ZNF454: variants seen among roughly 807,000 people sequenced by gnomAD.
The protein encoded by ZNF454 is zinc finger protein 454.
Under a neutral mutation model 48.2 loss-of-function variants are expected in ZNF454, and 30 were observed. That is an observed-to-expected ratio of 0.62 (90% CI 0.47 to 0.84). ZNF454 has a LOEUF of 0.84. ZNF454 is among the 40% of genes least tolerant of loss of function. ZNF454 has a pLI of 0.00. For missense variants in ZNF454, 510 were observed against 623.1 expected (o/e 0.82, Z 1.93); for synonymous variants, 204 against 211.4 (o/e 0.97, Z 0.30).
At chr5:178,950,761 T>C (rs1471871673) in intron 4 of ZNF454, among the ~76,000 whole-genome samples, 1 of 152,152 alleles carries the variant, frequency 6.6e-6, no homozygotes, top group Non-Finnish European at 1.5e-5. Flanking sequence ...GTATTATCTA[T>C]TATTTTAATA....
intron 4 of ZNF454, among the ~76,000 whole-genome samples, chr5:178,949,473 A>G (rs1432133037): frequency 6.6e-6 from 1 of 152,072 alleles, no homozygotes; most frequent in African/African-American, 2.4e-5. Flanking sequence ...TCCACTGGGA[A>G]TTTCTGCTAT....
At chr5:178,948,889 A>T (rs895354486) in intron 4 of ZNF454, among the ~76,000 whole-genome samples, 3 of 139,486 alleles carry the variant, frequency 2.2e-5, no homozygotes, top group Non-Finnish European at 3.0e-5. Flanking sequence ...TAATTGATAT[A>T]AATTATATGT....
At chr5:178,958,479 G>T (rs1759868770) in intron 4 of ZNF454, among the ~76,000 whole-genome samples, 1 of 152,100 alleles carries the variant, frequency 6.6e-6, no homozygotes, top group African/African-American at 2.4e-5. Flanking sequence ...GTCATTATTT[G>T]TACATTTTAC....
chr5:178,966,863 T>C (rs1760170936), downstream of ZNF454, among the ~76,000 whole-genome samples: 1 of 152,178 alleles, frequency 6.6e-6, no homozygotes, highest in Non-Finnish European at 1.5e-5. Flanking sequence ...TTCATCCCTG[T>C]AGAATCCCTG....
At chr5:178,949,902 A>G (rs1266955790) in intron 4 of ZNF454, among the ~76,000 whole-genome samples, 1 of 152,228 alleles carries the variant, frequency 6.6e-6, no homozygotes. Context: ...GGTGTGAGCC[A>G]CCACGCCCGG....
At chr5:178,989,739 C>T in the ZNF454 span, 3 of 408,834 alleles carry the variant, frequency 7.3e-6, no homozygotes, top group East Asian at 1.7e-4. Context: ...CTCCTTCTTT[C>T]CTGTTAGGAT....
intron 4 of ZNF454, among the ~76,000 whole-genome samples, chr5:178,958,458 C>T (rs1759867742): frequency 6.6e-6 from 1 of 152,192 alleles, no homozygotes; most frequent in South Asian, 2.1e-4. Flanking sequence ...AATGTTTCGC[C>T]ATATAAACCT....
chr5:178,987,374 G>A, the ZNF454 span: 1 of 467,194 alleles, frequency 2.1e-6, no homozygotes, highest in Middle Eastern at 3.2e-4. Flanking sequence ...GTTCACAGCA[G>A]CGTTATTCAC....
Position 178,942,769 on chromosome 5 carries a change from G to C in ZNF454, c.-23G>C, listed in dbSNP as rs764011243. ...TCCATAGCACTTTGCCTGTCCCTAAGAGGGCTCATCGGAGAAGAAAGAATG... is the reference window on the plus strand; with the variant it reads ...TCCATAGCACTTTGCCTGTCCCTAACAGGGCTCATCGGAGAAGAAAGAATG... On this transcript the variant is annotated 5_prime_UTR_variant, in exon 2 of 5. Transcript: ENST00000519564. The C allele has an allele frequency of 1.2e-6, 2 of 1,614,056 alleles. No homozygotes were observed. The highest frequency in any genetic ancestry group is 1.7e-6 in the Non-Finnish European group (2 of 1,179,976).
chr5:178,968,922 G>A (rs1267580456), downstream of ZNF454: 1 of 455,242 alleles, frequency 2.2e-6, no homozygotes, highest in African/African-American at 2.0e-5. Flanking sequence ...AGTGCAGGCT[G>A]AAGGCCCCCA....
At position 178,941,990 on chromosome 5, in the gene ZNF454, GAGAGC is replaced by G. The variant is rs1163419535; in HGVS notation, c.-108+547_-108+551del. On this transcript the variant is annotated intron_variant, in intron 1 of 4. Coordinates refer to ENST00000519564, the MANE Select transcript of ZNF454 (RefSeq NM_001178089.3). This position sits in a 1 kb window ranked among gnomAD's most constrained non-coding sequence, Gnocchi z 5.5. ...GGCAGCTGTTCCAAAGCCGCAGAGG[GAGAGC>G]GGAGCGGTCTTCCAATCCAGTCGAA... Among the ~76,000 whole-genome samples the G allele has an allele frequency of 2.0e-5, 3 of 152,212 alleles. No individual in the cohort carries two copies. The highest frequency in any genetic ancestry group is 4.8e-5 in the African/African-American group (2 of 41,462).
chr5:178,954,094 A>G (rs892373585), intron 4 of ZNF454, among the ~76,000 whole-genome samples: 14 of 152,026 alleles, frequency 9.2e-5, no homozygotes, highest in African/African-American at 3.4e-4. Flanking sequence ...CCCCATCTCT[A>G]TAAAAATACA....
chr5:178,965,878 G>A lies in ZNF454; in HGVS notation c.1474G>A (p.Gly492Arg). ...GACTCAACATCAGAGGATTCACACA[G>A]GAGAGAAACCCTATAAATGTAATAA... Reference protein sequence around the residue: ...HLTQHQRIHTGEKPYKCNKCG... With the variant: ...HLTQHQRIHTREKPYKCNKCG... The change falls in exon 5 of 5, where the codon GGA (glycine) becomes AGA (arginine). Residue 492 changes from glycine to arginine, a missense_variant. Gly to Arg is a moderately radical substitution (Grantham distance 125). Around this residue, in one of 3 missense-constraint regions of ZNF454, gnomAD observed 153 missense variants for 195.8 expected, o/e 0.78. Coordinates refer to ENST00000519564, the MANE Select transcript of ZNF454 (RefSeq NM_001178089.3). This position sits in a 1 kb window ranked among gnomAD's most constrained non-coding sequence, Gnocchi z 5.2. The A allele has an allele frequency of 6.2e-7, 1 of 1,613,788 alleles. No homozygotes were observed. The highest frequency in any genetic ancestry group is 8.5e-7 in the Non-Finnish European group (1 of 1,179,944).
chr5:178,951,152 C>T lies in ZNF454; in HGVS notation c.250+4166C>T, dbSNP rs369326586. Among the ~76,000 whole-genome samples, 6 of 152,258 alleles carry T rather than the reference C, an allele frequency of 3.9e-5. No individual in the cohort carries two copies. In the South Asian group the frequency reaches 1.0e-3, roughly 26 times the overall value. ...GGATTACAGGCATGAGCCACTGCAC[C>T]CGGCCTTAAAGAACTGTTTCTTATT... is the stretch of plus-strand genomic sequence containing the variant. On this transcript the variant is annotated intron_variant, in intron 4 of 4. Coordinates refer to ENST00000519564, the MANE Select transcript of ZNF454 (RefSeq NM_001178089.3).
intron 4 of ZNF454, among the ~76,000 whole-genome samples, chr5:178,949,862 A>C (rs1230121221): frequency 6.6e-6 from 1 of 151,664 alleles, no homozygotes; most frequent in African/African-American, 2.4e-5. Flanking sequence ...TGATCCGCCC[A>C]CCTTAGCCTC....
the ZNF454 span, chr5:178,989,160 G>A: frequency 6.2e-7 from 1 of 1,610,380 alleles, no homozygotes; most frequent in Non-Finnish European, 8.5e-7. Context: ...CCCAGAGAAA[G>A]TGTGCCCGGC....
downstream of ZNF454, among the ~76,000 whole-genome samples, chr5:178,967,506 T>G (rs542307941): frequency 1.3e-5 from 2 of 152,338 alleles, no homozygotes; most frequent in Non-Finnish European, 2.9e-5. Context: ...TTTGAATTTC[T>G]GCTTTTGCAT....
intron 4 of ZNF454, among the ~76,000 whole-genome samples, chr5:178,957,544 G>A (rs1213953725): frequency 6.6e-6 from 1 of 151,982 alleles, no homozygotes; most frequent in Non-Finnish European, 1.5e-5. Flanking sequence ...CGAGTAGCTG[G>A]GACTACAGTC....
intron 4 of ZNF454, among the ~76,000 whole-genome samples, chr5:178,951,490 A>G (rs941067203): frequency 1.3e-5 from 2 of 152,164 alleles, no homozygotes; most frequent in Non-Finnish European, 2.9e-5. Flanking sequence ...ACAGACGTCT[A>G]TAGATCTAAG....
Sources: gnomAD v4.1 joint callset for allele counts (sites outside exome capture counted in the v4.1 genomes callset) on GRCh38, gnomAD v4.1.1 for gene constraint, gnomAD v4.1.1 regional missense constraint, Gnocchi (gnomAD v3.1) non-coding constraint, MANE v1.5 for transcripts, NCBI Gene and HGNC (gene_info 2026-07-23, HGNC 2026-07-21) for gene names.